Variants in CTNNA3 observed in about 807,000 individuals in gnomAD.
CTNNA3 encodes catenin alpha-3.
A neutral mutation model predicts 95.7 loss-of-function variants in CTNNA3; 76 were observed. That is an observed-to-expected ratio of 0.79 (90% confidence interval 0.66 to 0.96). CTNNA3 has a LOEUF of 0.96. Ranked by LOEUF, CTNNA3 falls within the 40% of genes least tolerant of loss-of-function variation. CTNNA3 has a pLI of 0.00. For missense variants in CTNNA3, 1,191 were observed against 1,089.8 expected, an observed-to-expected ratio of 1.09 and a Z score of -1.31; for synonymous variants, 431 against 374.4, an observed-to-expected ratio of 1.15 and a Z score of -1.74.
intron 13 of CTNNA3, among the ~76,000 whole-genome samples, chr10:66,163,435 T>A (rs1827394349): frequency 6.6e-6 from 1 of 152,120 alleles, no homozygotes; most frequent in South Asian, 2.1e-4. Context: ...AATTGACTCA[T>A]CTCCAGGTAA....
chr10:66,838,955 T>C (rs913313367), intron 7 of CTNNA3, among the ~76,000 whole-genome samples: 1 of 152,210 alleles, frequency 6.6e-6, no homozygotes, highest in African/African-American at 2.4e-5. Flanking sequence ...TATCACTATT[T>C]CATTCTCCCT....
At chr10:67,567,792 T>C (rs374813204) in intron 3 of CTNNA3, among the ~76,000 whole-genome samples, 2 of 152,124 alleles carry the variant, frequency 1.3e-5, no homozygotes, top group African/African-American at 4.8e-5. Flanking sequence ...CTATTTTTAA[T>C]TGTAGGCCTC....
intron 7 of CTNNA3, among the ~76,000 whole-genome samples, chr10:67,111,109 C>T (rs1394077561): frequency 6.6e-6 from 1 of 152,094 alleles, no homozygotes; most frequent in African/African-American, 2.4e-5. Context: ...CTCCTCTTCA[C>T]GTTTATGTCT....
At chr10:66,344,260 G>A (rs1404158681) in intron 12 of CTNNA3, among the ~76,000 whole-genome samples, 1 of 148,622 alleles carries the variant, frequency 6.7e-6, no homozygotes, top group African/African-American at 2.5e-5. Flanking sequence ...ATGTGTTTTT[G>A]TTGTTGTTGT....
rs368312004 is a variant in CTNNA3 at position 67,571,830 on chromosome 10, G to A, written c.293-32161C>T. On this transcript the variant is annotated intron_variant, in intron 3 of 17. Coordinates refer to ENST00000433211, the MANE Select transcript of CTNNA3 (RefSeq NM_013266.4). ...CACTTGAAATGTGCAGAGTGTGACT[G>A]AGGATCTGAATTTCTAATTTTATCT... 1.4e-4 allele frequency among the ~76,000 whole-genome samples: 22 copies of A among 152,280 alleles called. No homozygotes were observed. The South Asian group carries it at 3.3e-3, about 23-fold the overall frequency.
At chr10:67,227,510 CTAAACAT>C (rs1247390902) in intron 5 of CTNNA3, among the ~76,000 whole-genome samples, 7 of 152,116 alleles carry the variant, frequency 4.6e-5, no homozygotes, top group Non-Finnish European at 8.8e-5. Context: ...TATCACAATC[CTAAACAT>C]ATATGCAACA....
At chr10:66,507,076 A>G (rs1478870502) in intron 11 of CTNNA3, among the ~76,000 whole-genome samples, 1 of 152,140 alleles carries the variant, frequency 6.6e-6, no homozygotes, top group African/African-American at 2.4e-5. Context: ...ATGAAAGAAC[A>G]TGGAAAATCA....
rs533205586 is a variant in CTNNA3, at chr10:65,976,717, G to A, written c.2266-9971C>T. On this transcript the variant is annotated intron_variant, in intron 16 of 17. Transcript: ENST00000433211. Reference sequence around the variant, plus strand: ...TGCTCACTTAGAAGCAGAATCAGGAGAATGCCTCATTCCTACTTTAAGAAT... The same window carrying A: ...TGCTCACTTAGAAGCAGAATCAGGAAAATGCCTCATTCCTACTTTAAGAAT... Among the ~76,000 whole-genome samples the A allele has an allele frequency of 1.5e-4, 23 of 152,258 alleles. No homozygotes were observed. The South Asian group carries it at 2.3e-3, about 15-fold the overall frequency.
intron 10 of CTNNA3, among the ~76,000 whole-genome samples, chr10:66,596,814 A>G (rs950451873): frequency 4.6e-5 from 7 of 152,138 alleles, no homozygotes; most frequent in African/African-American, 1.7e-4. Context: ...AACAAAATAA[A>G]GTTCCAGTGA....
At chr10:67,288,451 G>A (rs1041651177) in intron 5 of CTNNA3, among the ~76,000 whole-genome samples, 2 of 152,034 alleles carry the variant, frequency 1.3e-5, no homozygotes, top group African/African-American at 4.8e-5. Context: ...TTTATAAGAT[G>A]GATATCTTGT....
chr10:67,139,083 T>C (rs1158983204), intron 7 of CTNNA3, among the ~76,000 whole-genome samples: 1 of 152,168 alleles, frequency 6.6e-6, no homozygotes, highest in Non-Finnish European at 1.5e-5. Context: ...TTTTTAAATT[T>C]GACATTATAC....
chr10:67,589,059 TA>T (rs1842719928), intron 3 of CTNNA3, among the ~76,000 whole-genome samples: 1 of 152,032 alleles, frequency 6.6e-6, no homozygotes, highest in Admixed American at 6.6e-5. Flanking sequence ...TAATTATTTT[TA>T]AAAGAGAGAA....
intron 7 of CTNNA3, among the ~76,000 whole-genome samples, chr10:66,905,073 T>C (rs1304934513): frequency 6.6e-6 from 1 of 152,188 alleles, no homozygotes; most frequent in East Asian, 1.9e-4. Context: ...CATGCACACG[T>C]GTGTTTATTG....
intron 7 of CTNNA3, among the ~76,000 whole-genome samples, chr10:66,828,935 G>A (rs1453349316): frequency 6.6e-6 from 1 of 152,216 alleles, no homozygotes; most frequent in Admixed American, 6.5e-5. Flanking sequence ...CATTCACGTA[G>A]AGTAAATGTG....
At chr10:67,561,710 T>G (rs1366615338) in intron 3 of CTNNA3, among the ~76,000 whole-genome samples, 1 of 151,806 alleles carries the variant, frequency 6.6e-6, no homozygotes, top group African/African-American at 2.4e-5. Context: ...GCTGGTTTTT[T>G]GAAAGGATCA....
At chr10:67,616,382 A>G (rs1217344736) in intron 2 of CTNNA3, among the ~76,000 whole-genome samples, 2 of 152,234 alleles carry the variant, frequency 1.3e-5, no homozygotes, top group African/African-American at 4.8e-5. Flanking sequence ...AGACAGCTCT[A>G]TGCAAAACAG....
chr10:66,157,311 A>G (rs989487720), intron 13 of CTNNA3, among the ~76,000 whole-genome samples: 11 of 151,936 alleles, frequency 7.2e-5, no homozygotes, highest in Non-Finnish European at 1.6e-4. Context: ...TCCATTCCTG[A>G]GTTACTTCAC....
At chr10:67,251,472 T>G (rs1228127942) in intron 5 of CTNNA3, among the ~76,000 whole-genome samples, 1 of 152,220 alleles carries the variant, frequency 6.6e-6, no homozygotes, top group South Asian at 2.1e-4. Context: ...GGGAATGTTA[T>G]GATATGTGAA....
Position 67,246,033 on chromosome 10 carries a change from A to T in CTNNA3, c.580-26163T>A, listed in dbSNP as rs1865890653. Among the ~76,000 whole-genome samples the T allele has an allele frequency of 2.6e-5, 4 of 152,146 alleles. No individual in the cohort carries two copies. In the South Asian group the frequency reaches 8.3e-4, roughly 32 times the overall value. On this transcript the variant is annotated intron_variant, in intron 5 of 17. Transcript: ENST00000433211. ...TTGTATTCTACTTAGGTCATCTTTCATGTTTGCGAGAATTCATATAGAAAG... is the reference window on the plus strand; with the variant it reads ...TTGTATTCTACTTAGGTCATCTTTCTTGTTTGCGAGAATTCATATAGAAAG...
Sources: allele counts gnomAD v4.1 joint callset (sites outside exome capture counted in the v4.1 genomes callset), GRCh38; gene constraint gnomAD v4.1.1; transcripts MANE v1.5; gene names NCBI Gene and HGNC (gene_info 2026-07-23, HGNC 2026-07-21).